SEMA6A: variants seen among roughly 807,000 people sequenced by gnomAD.
The protein encoded by SEMA6A is semaphorin 6A.
SEMA6A carries 25 observed loss-of-function variants against 96.8 expected under a neutral mutation model. That is an observed-to-expected ratio of 0.26 (90% CI 0.19 to 0.36). The LOEUF is 0.36. Ranked by LOEUF, SEMA6A falls within the 10% of genes least tolerant of loss-of-function variation. The pLI is 1.00. For synonymous variants in SEMA6A, 612 were observed against 518.0 expected, an observed-to-expected ratio of 1.18 and a Z score of -2.46; for missense variants, 1,363 against 1,323.1, an observed-to-expected ratio of 1.03 and a Z score of -0.47.
At chr5:116,538,664 C>G (rs1364023471) in intron 1 of SEMA6A, among the ~76,000 whole-genome samples, 3 of 152,082 alleles carry the variant, frequency 2.0e-5, no homozygotes, top group Admixed American at 6.5e-5. Context: ...TTAGAATGTA[C>G]TTCTTAGTAG....
chr5:116,515,670 A>C (rs886144336), intron 1 of SEMA6A, among the ~76,000 whole-genome samples: 3 of 152,188 alleles, frequency 2.0e-5, no homozygotes, highest in Non-Finnish European at 2.9e-5. Flanking sequence ...GACTCTCCCT[A>C]ATAATTTCTC....
chr5:116,473,150 A>T, intron 16 of SEMA6A, 57 bp from the exon 17 acceptor site: 1 of 1,537,466 alleles, frequency 6.5e-7, no homozygotes, highest in Non-Finnish European at 8.8e-7. Flanking sequence ...GCTTGGGGCG[A>T]CTTACATAAG....
chr5:116,477,464 A>G (rs149652936), intron 15 of SEMA6A, among the ~76,000 whole-genome samples: 5 of 152,344 alleles, frequency 3.3e-5, no homozygotes, highest in African/African-American at 1.2e-4. Context: ...GTCAATTACA[A>G]AAGCCGGTTT....
At chr5:116,570,988 A>T (rs1014995608) in intron 1 of SEMA6A, among the ~76,000 whole-genome samples, 1 of 152,208 alleles carries the variant, frequency 6.6e-6, no homozygotes, top group Non-Finnish European at 1.5e-5. Context: ...CAACTGCTAT[A>T]TGTGTTTAAT....
chr5:116,482,965 A>C (rs1020196877), intron 10 of SEMA6A, among the ~76,000 whole-genome samples: 9 of 152,218 alleles, frequency 5.9e-5, no homozygotes, highest in African/African-American at 2.2e-4. Flanking sequence ...ATATTGGTGA[A>C]AATTTGAAAC....
chr5:116,524,741 A>G (rs2112824375), intron 1 of SEMA6A, among the ~76,000 whole-genome samples: 1 of 61,352 alleles, frequency 1.6e-5, no homozygotes, highest in Non-Finnish European at 4.3e-5. Flanking sequence ...AACCTCCTAT[A>G]GAATGTGTGT....
In SEMA6A at chr5:116,563,760, C is replaced by A. The variant is rs116047718; in HGVS notation, c.-39+10425G>T. ...GCTTTGATCTTACTCCCACTGTTCT[C>A]CTCCATTCCATGTCTTTTGTTGTTG... On this transcript the variant is annotated intron_variant, in intron 1 of 18. Transcript: ENST00000343348. Among the ~76,000 whole-genome samples the A allele has an allele frequency of 7.2e-3, 1,092 of 152,330 alleles. 10 individuals carry two copies. The highest frequency in any genetic ancestry group is 0.01 in the Non-Finnish European group (685 of 68,026).
chr5:116,510,039 G>A (rs950678403), intron 1 of SEMA6A, among the ~76,000 whole-genome samples: 1 of 152,086 alleles, frequency 6.6e-6, no homozygotes, highest in Non-Finnish European at 1.5e-5. Context: ...GCAAGCATGA[G>A]GGGTAGAACG....
At chr5:116,460,817 CCT>C (rs1755347142) in intron 18 of SEMA6A, among the ~76,000 whole-genome samples, 1 of 148,372 alleles carries the variant, frequency 6.7e-6, no homozygotes, top group Admixed American at 6.7e-5. Context: ...ACAAAGTCTC[CCT>C]CTGTCACCCA....
At chr5:116,565,856 T>C (rs922964259) in intron 1 of SEMA6A, among the ~76,000 whole-genome samples, 3 of 152,144 alleles carry the variant, frequency 2.0e-5, no homozygotes, top group African/African-American at 4.8e-5. Context: ...GAAAGGAACG[T>C]TTCCATTCAC....
intron 1 of SEMA6A, among the ~76,000 whole-genome samples, chr5:116,519,315 G>A (rs1228096110): frequency 6.6e-6 from 1 of 152,128 alleles, no homozygotes; most frequent in African/African-American, 2.4e-5. Context: ...TATTCCAAAG[G>A]AACACTGCTT....
chr5:116,485,394 A>G (rs552226309), intron 10 of SEMA6A, among the ~76,000 whole-genome samples: 8 of 152,326 alleles, frequency 5.3e-5, no homozygotes, highest in African/African-American at 1.7e-4. Context: ...TCCTAGAGAG[A>G]TAGGCTCTGA....
intron 1 of SEMA6A, among the ~76,000 whole-genome samples, chr5:116,573,450 G>A (rs1580533753): frequency 1.3e-5 from 2 of 152,184 alleles, no homozygotes; most frequent in South Asian, 4.1e-4. Context: ...GCTGCGGCGG[G>A]GGACAGGACC....
At chr5:116,516,041 T>C (rs1161139012) in intron 1 of SEMA6A, among the ~76,000 whole-genome samples, 1 of 152,232 alleles carries the variant, frequency 6.6e-6, no homozygotes, top group Non-Finnish European at 1.5e-5. Flanking sequence ...AACTAAAATG[T>C]TGGCATCAGG....
chr5:116,469,532 A>G (rs1243381689), intron 17 of SEMA6A: 1 of 152,234 alleles, frequency 6.6e-6, no homozygotes, highest in African/African-American at 2.4e-5. Flanking sequence ...GCATAAGCAA[A>G]TAATTAGAAA....
chr5:116,494,370 A>G (rs1416369811), intron 6 of SEMA6A, among the ~76,000 whole-genome samples: 1 of 149,036 alleles, frequency 6.7e-6, no homozygotes, highest in East Asian at 2.2e-4. Context: ...TACAAAAATT[A>G]ATTAAACGCC....
At chr5:116,548,106 T>A (rs1367269774) in intron 1 of SEMA6A, among the ~76,000 whole-genome samples, 1 of 152,206 alleles carries the variant, frequency 6.6e-6, no homozygotes, top group African/African-American at 2.4e-5. Flanking sequence ...CAGTCTTGAA[T>A]TGGCTCCAAA....
intron 12 of SEMA6A, 71 bp downstream of exon 12, chr5:116,480,051 T>C: frequency 6.5e-7 from 1 of 1,539,826 alleles, no homozygotes; most frequent in South Asian, 1.2e-5. Flanking sequence ...CAAAGCATGA[T>C]CCACTGATTG....
intron 1 of SEMA6A, among the ~76,000 whole-genome samples, chr5:116,523,819 G>A (rs1480690113): frequency 3.9e-5 from 6 of 152,136 alleles, no homozygotes; most frequent in African/African-American, 1.4e-4. Context: ...TGATTCTAGT[G>A]AGTAGACAAA....
Sources: gnomAD v4.1 joint callset for allele counts (sites outside exome capture counted in the v4.1 genomes callset) on GRCh38, gnomAD v4.1.1 for gene constraint, MANE v1.5 for transcripts, NCBI Gene and HGNC (gene_info 2026-07-23, HGNC 2026-07-21) for gene names.